NRXN1: variants seen among roughly 807,000 people sequenced by gnomAD.
NRXN1 encodes neurexin-1.
Under a neutral mutation model 150.9 loss-of-function variants are expected in NRXN1, and 39 were observed. The ratio of observed to expected loss-of-function variants is 0.26; its 90% CI spans 0.20 to 0.34. The LOEUF (loss-of-function observed/expected upper bound fraction) is 0.34, where lower values mean the gene tolerates loss of function less well. Ranked by LOEUF, NRXN1 falls within the 10% of genes least tolerant of loss-of-function variation. The pLI is 1.00. For synonymous variants in NRXN1, 924 were observed against 757.0 expected (o/e 1.22, Z -3.62); for missense variants, 1,815 against 1,949.9 (o/e 0.93, Z 1.30).
At chr2:50,702,919 G>T (rs945155676) in intron 5 of NRXN1, among the ~76,000 whole-genome samples, 1 of 151,908 alleles carries the variant, frequency 6.6e-6, no homozygotes, top group Non-Finnish European at 1.5e-5. Context: ...CCCCTATCAG[G>T]ATGCCCTTTT....
chr2:50,335,043 C>G (rs1200909391), intron 17 of NRXN1, among the ~76,000 whole-genome samples: 1 of 151,990 alleles, frequency 6.6e-6, no homozygotes, highest in Non-Finnish European at 1.5e-5. Flanking sequence ...ATATATCATC[C>G]CAGGTGATCA....
chr2:50,826,723 C>T (rs989480465), intron 5 of NRXN1, among the ~76,000 whole-genome samples: 3 of 152,058 alleles, frequency 2.0e-5, no homozygotes. Flanking sequence ...AAATTATGAA[C>T]TAGAAAATGG....
intron 2 of NRXN1, among the ~76,000 whole-genome samples, chr2:50,968,689 T>C (rs1694513931): frequency 6.6e-6 from 1 of 152,074 alleles, no homozygotes. Context: ...AATATCAAAT[T>C]CCCCTAGTGT....
intron 5 of NRXN1, among the ~76,000 whole-genome samples, chr2:50,871,102 G>A (rs1464495242): frequency 1.3e-5 from 2 of 151,784 alleles, no homozygotes; most frequent in Non-Finnish European, 2.9e-5. Context: ...AATCAGAAAA[G>A]TCTATTAATC....
At chr2:50,096,406 A>C (rs1363598132) in intron 18 of NRXN1, among the ~76,000 whole-genome samples, 1 of 152,218 alleles carries the variant, frequency 6.6e-6, no homozygotes, top group South Asian at 2.1e-4. Context: ...TATAAGCAAT[A>C]AAACGTGCTA....
intron 17 of NRXN1, among the ~76,000 whole-genome samples, chr2:50,377,603 G>A (rs529261715): frequency 2.6e-4 from 39 of 152,110 alleles, no homozygotes; most frequent in African/African-American, 8.4e-4. Flanking sequence ...CATACTAAAC[G>A]CTGAATGGTT....
chr2:49,977,361 A>G (rs1558621991), intron 21 of NRXN1, among the ~76,000 whole-genome samples: 1 of 152,150 alleles, frequency 6.6e-6, no homozygotes, highest in Non-Finnish European at 1.5e-5. Context: ...TCCAGTGGAT[A>G]GTGGCCAAGA....
intron 5 of NRXN1, among the ~76,000 whole-genome samples, chr2:50,693,424 T>C (rs1177420243): frequency 6.6e-6 from 1 of 152,130 alleles, no homozygotes; most frequent in Non-Finnish European, 1.5e-5. Context: ...TTGGAGGTGT[T>C]TTTTTAGAAT....
chr2:50,013,834 C>G (rs1341553676), intron 21 of NRXN1, among the ~76,000 whole-genome samples: 1 of 152,128 alleles, frequency 6.6e-6, no homozygotes, highest in Non-Finnish European at 1.5e-5. Context: ...TGAGATAAAG[C>G]AAACCTACAT....
chr2:49,939,862 G>A (rs1367991178), intron 22 of NRXN1, among the ~76,000 whole-genome samples: 1 of 152,106 alleles, frequency 6.6e-6, no homozygotes, highest in Admixed American at 6.5e-5. Context: ...TAGGTATATA[G>A]TGACACTCAA....
Position 50,347,571 on chromosome 2 carries a change from G to A in NRXN1, c.3365-110601C>T. The A allele has an allele frequency of 9.8e-7, 1 of 1,018,554 alleles. No homozygotes were observed. The highest frequency in any genetic ancestry group is 1.2e-6 in the Non-Finnish European group (1 of 849,842). 63.1% of individuals were successfully genotyped at this position (1,018,554 alleles called of 1,614,324 possible). Reference sequence around the variant, plus strand: ...AGCGCGCGGAGCAGCGGCGCGCATCGCCTGCTCCCGAGGCAATCTCCGCGT... The same window carrying A: ...AGCGCGCGGAGCAGCGGCGCGCATCACCTGCTCCCGAGGCAATCTCCGCGT... On this transcript the variant is annotated intron_variant, in intron 17 of 22. Coordinates refer to ENST00000401669, the MANE Select transcript of NRXN1 (RefSeq NM_001330078.2). This position sits in a 1 kb window ranked among gnomAD's most constrained non-coding sequence, Gnocchi z 4.9.
intron 18 of NRXN1, chr2:50,174,659 ATCT>A (rs1234185313): frequency 2.6e-5 from 4 of 152,156 alleles, no homozygotes; most frequent in Admixed American, 6.6e-5. Context: ...TAATTCAGTA[ATCT>A]TCTTAACAGT....
chr2:50,169,937 G>A (rs1034205365), intron 18 of NRXN1, among the ~76,000 whole-genome samples: 2 of 151,932 alleles, frequency 1.3e-5, no homozygotes, highest in Non-Finnish European at 2.9e-5. Context: ...AGAAGATCAT[G>A]GCAGTCTTAG....
chr2:49,924,601 T>C (rs1668770744), intron 22 of NRXN1, among the ~76,000 whole-genome samples: 1 of 152,216 alleles, frequency 6.6e-6, no homozygotes, highest in Non-Finnish European at 1.5e-5. Context: ...AACTGTGCCA[T>C]ATGCATTTGA....
At chr2:50,675,829 CA>C (rs535587998) in intron 5 of NRXN1, among the ~76,000 whole-genome samples, 2 of 152,130 alleles carry the variant, frequency 1.3e-5, no homozygotes, top group East Asian at 1.9e-4. Flanking sequence ...ATTAACAAAT[CA>C]ATATGTTCTA....
At chr2:50,079,138 G>C (rs1382714837) in intron 19 of NRXN1, among the ~76,000 whole-genome samples, 1 of 151,900 alleles carries the variant, frequency 6.6e-6, no homozygotes, top group Non-Finnish European at 1.5e-5. Flanking sequence ...TGGGTTCATA[G>C]ATGTTTATTT....
chr2:50,884,817 G>GT (rs963983971), intron 5 of NRXN1, among the ~76,000 whole-genome samples: 24 of 145,710 alleles, frequency 1.6e-4, no homozygotes, highest in Admixed American at 1.2e-3. Flanking sequence ...AGAACATACT[G>GT]TTTTTTAAAA....
At chr2:50,472,037 CA>C (rs1398403321) in intron 16 of NRXN1, among the ~76,000 whole-genome samples, 1 of 131,404 alleles carries the variant, frequency 7.6e-6, no homozygotes, top group Non-Finnish European at 1.7e-5. Context: ...AAAACAAAAA[CA>C]AAAACAAAAG....
intron 21 of NRXN1, among the ~76,000 whole-genome samples, chr2:49,953,531 T>A (rs748108010): frequency 2.0e-5 from 3 of 152,056 alleles, no homozygotes; most frequent in Non-Finnish European, 4.4e-5. Context: ...CAGTTTAATT[T>A]ATACTATGCT....
Sources: allele counts gnomAD v4.1 joint callset (sites outside exome capture counted in the v4.1 genomes callset), GRCh38; gene constraint gnomAD v4.1.1; non-coding constraint Gnocchi (gnomAD v3.1); transcripts MANE v1.5; gene names NCBI Gene and HGNC (gene_info 2026-07-23, HGNC 2026-07-21).